GRM8: variants seen among roughly 807,000 people sequenced by gnomAD.
GRM8 encodes the protein metabotropic glutamate receptor 8.
Under a neutral mutation model 87.2 loss-of-function variants are expected in GRM8, and 47 were observed. The observed-to-expected ratio is 0.54, with a 90% CI of 0.43 to 0.69. GRM8 has a LOEUF of 0.69. Ranked by LOEUF, GRM8 falls within the 30% of genes least tolerant of loss-of-function variation. The pLI is 0.00. For missense variants in GRM8, 1,019 were observed against 1,139.2 expected (o/e 0.89, Z 1.52); for synonymous variants, 396 against 404.5 (o/e 0.98, Z 0.25).
chr7:127,248,335 A>T (rs897483195), intron 1 of GRM8, among the ~76,000 whole-genome samples: 1 of 152,204 alleles, frequency 6.6e-6, no homozygotes, highest in Non-Finnish European at 1.5e-5. Flanking sequence ...TGAAAACAGA[A>T]AGATTATATG....
At chr7:126,548,381 A>G (rs747584634) in intron 8 of GRM8, among the ~76,000 whole-genome samples, 2 of 152,238 alleles carry the variant, frequency 1.3e-5, no homozygotes, top group Non-Finnish European at 2.9e-5. Flanking sequence ...GTTTGGGAGA[A>G]ATCGTCCTTA....
intron 2 of GRM8, among the ~76,000 whole-genome samples, chr7:127,231,590 A>G (rs1407927573): frequency 6.6e-6 from 1 of 152,314 alleles, no homozygotes; most frequent in Non-Finnish European, 1.5e-5. Context: ...TAGTGCTTTC[A>G]TTTCTGACAT....
At chr7:126,490,193 G>A (rs1042575470) in intron 9 of GRM8, among the ~76,000 whole-genome samples, 1 of 151,986 alleles carries the variant, frequency 6.6e-6, no homozygotes, top group Non-Finnish European at 1.5e-5. Context: ...GAGAATTCTG[G>A]CTAATACATT....
chr7:127,113,536 T>C (rs969422718), intron 2 of GRM8, among the ~76,000 whole-genome samples: 7 of 152,160 alleles, frequency 4.6e-5, no homozygotes, highest in Admixed American at 2.0e-4. Flanking sequence ...CCATTGATCA[T>C]GGAACTTAAT....
At chr7:127,014,799 C>T (rs536449629) in intron 3 of GRM8, among the ~76,000 whole-genome samples, 24 of 151,858 alleles carry the variant, frequency 1.6e-4, no homozygotes, top group Non-Finnish European at 2.8e-4. Flanking sequence ...TGCTTTCTTT[C>T]TGCCACTTAG....
intron 2 of GRM8, among the ~76,000 whole-genome samples, chr7:127,112,521 A>G (rs1826433914): frequency 6.6e-6 from 1 of 152,204 alleles, no homozygotes; most frequent in African/African-American, 2.4e-5. Flanking sequence ...GAGCCCATCC[A>G]TCCATTAATC....
At chr7:126,806,558 A>C (rs1792750167) in intron 6 of GRM8, among the ~76,000 whole-genome samples, 1 of 152,228 alleles carries the variant, frequency 6.6e-6, no homozygotes, top group African/African-American at 2.4e-5. Context: ...GTTTTGACAG[A>C]GTGCTGATTG....
At chr7:126,831,561 G>A (rs1424420075) in intron 6 of GRM8, among the ~76,000 whole-genome samples, 15 of 152,224 alleles carry the variant, frequency 9.9e-5, no homozygotes, top group Non-Finnish European at 2.1e-4. Flanking sequence ...GAAAAGTCCA[G>A]TATTTGGGTG....
At chr7:127,037,906 T>C (rs1429770177) in intron 3 of GRM8, among the ~76,000 whole-genome samples, 1 of 151,882 alleles carries the variant, frequency 6.6e-6, no homozygotes, top group Admixed American at 6.6e-5. Flanking sequence ...ACTGCCAACT[T>C]GGATGCTTTT....
chr7:127,020,603 G>A (rs1586771813), intron 3 of GRM8, among the ~76,000 whole-genome samples: 2 of 152,002 alleles, frequency 1.3e-5, no homozygotes, highest in South Asian at 4.1e-4. Flanking sequence ...TGGATACTTA[G>A]AATTCATATT....
At chr7:126,587,918 A>C (rs1439653468) in intron 8 of GRM8, among the ~76,000 whole-genome samples, 1 of 151,980 alleles carries the variant, frequency 6.6e-6, no homozygotes, top group Non-Finnish European at 1.5e-5. Flanking sequence ...TTAAAAAAAA[A>C]AAAAGAAAAA....
intron 7 of GRM8, among the ~76,000 whole-genome samples, chr7:126,766,806 C>A (rs1362897631): frequency 1.3e-5 from 2 of 152,108 alleles, no homozygotes; most frequent in Non-Finnish European, 2.9e-5. Context: ...GTCAGCTGTC[C>A]CACCAGGTGA....
At chr7:126,555,151 T>C (rs1793001972) in intron 8 of GRM8, among the ~76,000 whole-genome samples, 1 of 152,246 alleles carries the variant, frequency 6.6e-6, no homozygotes. Flanking sequence ...AGACGCAATT[T>C]ATCTTTTTGA....
chr7:126,593,431 C>A (rs1231057479), intron 8 of GRM8, among the ~76,000 whole-genome samples: 1 of 151,822 alleles, frequency 6.6e-6, no homozygotes, highest in Non-Finnish European at 1.5e-5. Context: ...GAATAGAGAG[C>A]CCTGAAATAA....
At chr7:127,083,661 C>CAAAAT (rs1554587278) in intron 3 of GRM8, among the ~76,000 whole-genome samples, 8 of 151,766 alleles carry the variant, frequency 5.3e-5, no homozygotes, top group Non-Finnish European at 1.2e-4. Context: ...ACAACAACAA[C>CAAAAT]AAAATCTGCT....
At chr7:126,594,014 T>C (rs994671135) in intron 8 of GRM8, among the ~76,000 whole-genome samples, 8 of 151,982 alleles carry the variant, frequency 5.3e-5, no homozygotes, top group African/African-American at 1.9e-4. Flanking sequence ...TCACAAATCA[T>C]TAGGAAAATG....
chr7:126,687,643 T>C (rs529420460), intron 7 of GRM8, among the ~76,000 whole-genome samples: 2 of 148,344 alleles, frequency 1.3e-5, no homozygotes, highest in South Asian at 4.4e-4. Context: ...CTGGTATGCC[T>C]GTCTTCAAAC....
intron 2 of GRM8, among the ~76,000 whole-genome samples, chr7:127,150,510 T>G (rs1828798316): frequency 6.6e-6 from 1 of 152,086 alleles, no homozygotes; most frequent in Non-Finnish European, 1.5e-5. Context: ...CTGGCTCTCT[T>G]TTGCACTCAG....
intron 8 of GRM8, among the ~76,000 whole-genome samples, chr7:126,543,320 A>C (rs1345714550): frequency 6.6e-6 from 1 of 152,222 alleles, no homozygotes; most frequent in Non-Finnish European, 1.5e-5. Flanking sequence ...CATAGGTTTG[A>C]GAAAGAACCC....
Sources: gnomAD v4.1 joint callset for allele counts (sites outside exome capture counted in the v4.1 genomes callset) on GRCh38, gnomAD v4.1.1 for gene constraint, MANE v1.5 for transcripts, NCBI Gene and HGNC (gene_info 2026-07-23, HGNC 2026-07-21) for gene names.